OSBPL7: variants seen among roughly 807,000 people sequenced by gnomAD.
OSBPL7 encodes the protein oxysterol-binding protein-related protein 7.
Under a neutral mutation model 115.8 loss-of-function variants are expected in OSBPL7, and 66 were observed. The observed-to-expected ratio is 0.57, with a 90% CI of 0.47 to 0.70. OSBPL7 has a LOEUF of 0.70. Among genes scored for constraint, OSBPL7 ranks in the 30% least tolerant of loss-of-function variants. The pLI is 0.00. For synonymous variants in OSBPL7, 441 were observed against 439.2 expected, an observed-to-expected ratio of 1.00 and a Z score of -0.05; for missense variants, 902 against 1,125.5, an observed-to-expected ratio of 0.80 and a Z score of 2.84.
intron 13 of OSBPL7, 35 bp downstream of exon 13, chr17:47,815,180 A>G (rs768037417): frequency 6.3e-7 from 1 of 1,580,410 alleles, no homozygotes. Flanking sequence ...GGTCCCCCCT[A>G]CCCCGCCTCA....
rs776120963 is a variant in OSBPL7, at chr17:47,808,992, T to TG, written c.2171-3dup. The TG allele has an allele frequency of 1.2e-6, 2 of 1,613,692 alleles. No individual in the cohort carries two copies. Among genetic ancestry groups the TG allele is most frequent in the Admixed American group, 3.3e-5 (2 of 60,014 alleles). ...GCTCATGGTCGGGGGGCATTGAGTCTGGGGGAAGGCAAGGGGCTGGGGCAG... is the reference window on the plus strand; with the variant it reads ...GCTCATGGTCGGGGGGCATTGAGTCTGGGGGGAAGGCAAGGGGCTGGGGCAG... On this transcript the variant is annotated splice_region_variant and splice_polypyrimidine_tract_variant and intron_variant, in intron 20 of 22. Coordinates refer to ENST00000007414, the MANE Select transcript of OSBPL7 (RefSeq NM_145798.3). The surrounding 1 kb of genome is among the most constrained non-coding windows in gnomAD (Gnocchi z 6.1).
chr17:47,817,330 C>T lies in OSBPL7; in HGVS notation c.628G>A (p.Glu210Lys), dbSNP rs1175797782. The part of the protein sequence containing the change: ...ELSECQGKLQ[E>K]LHRLLQSLES... ...AGGCTCTGGAGGAGCCTGTGTAGTT[C>T]CTGGAGCTTCCCCTGACACTCAGAG... The change falls in exon 8 of 23, where the codon GAA becomes AAA. Residue 210 changes from glutamate to lysine, a missense_variant. Physicochemically the swap from Glu to Lys is moderately conservative, Grantham distance 56. Transcript: ENST00000007414. The T allele has an allele frequency of 1.2e-6, 2 of 1,604,316 alleles. No homozygotes were observed. Among genetic ancestry groups the T allele is most frequent in the African/African-American group, 1.3e-5 (1 of 74,130 alleles).
chr17:47,808,979 G>C lies in OSBPL7; in HGVS notation c.2182C>G (p.Pro728Ala), dbSNP rs370002690. The C allele has an allele frequency of 1.1e-5, 18 of 1,614,162 alleles. No individual in the cohort carries two copies. Among genetic ancestry groups the C allele is most frequent in the Middle Eastern group, 3.3e-4 (2 of 6,062 alleles). Residue 728 changes from proline to alanine, a missense_variant, in exon 21 of 23, where the codon CCC (proline) becomes GCC (alanine). Coordinates refer to ENST00000007414, the MANE Select transcript of OSBPL7 (RefSeq NM_145798.3). This position sits in a 1 kb window ranked among gnomAD's most constrained non-coding sequence, Gnocchi z 6.1. ...QCIWKPNSMP[P>A]DHERNFGFTQ... ...AAGCCGAAGTTTCGCTCATGGTCGG[G>C]GGGCATTGAGTCTGGGGGAAGGCAA...
chr17:47,819,459 A>T (rs149252281), intron 4 of OSBPL7: 1 of 580,810 alleles, frequency 1.7e-6, no homozygotes, highest in South Asian at 2.1e-5. Flanking sequence ...TAAAGCCCCC[A>T]TTTCTTGGGC....
At chr17:47,813,113 C>T (rs62076106) in intron 16 of OSBPL7, among the ~76,000 whole-genome samples, 153 bp downstream of exon 16, 14,711 of 152,318 alleles carry the variant, frequency 0.097, 977 homozygotes, top group South Asian at 0.22. Flanking sequence ...GACCTCAGAA[C>T]GTGGGCCAGG....
At chr17:47,809,263 C>T in intron 19 of OSBPL7, 43 bp from the exon 20 acceptor site, 4 of 1,612,286 alleles carry the variant, frequency 2.5e-6, no homozygotes, top group Non-Finnish European at 3.4e-6. Flanking sequence ...TCCCCTCCCC[C>T]TTAGCCAGGG....
In OSBPL7 at chr17:47,820,307, G is replaced by T; in HGVS notation, c.-29C>A. ...GAAGGGAGAGGCCACTCCCTGCTGG[G>T]GATGTAGAGCAGGGAGCAGGGTGGA... On this transcript the variant is annotated 5_prime_UTR_variant, in exon 2 of 23. Coordinates refer to ENST00000007414, the MANE Select transcript of OSBPL7 (RefSeq NM_145798.3). 1 of 1,605,786 alleles carries T rather than the reference G, an allele frequency of 6.2e-7. No homozygotes were observed. The highest frequency in any genetic ancestry group is 1.3e-5 in the African/African-American group (1 of 74,900).
At chr17:47,814,638 C>T (rs200734440) in intron 13 of OSBPL7, 24 bp from the exon 14 acceptor site, 25 of 1,609,742 alleles carry the variant, frequency 1.6e-5, no homozygotes, top group Middle Eastern at 3.3e-4. Context: ...GATGACAGGC[C>T]GGGCAGACTG....
Position 47,808,802 on chromosome 17 carries a change from C to T in OSBPL7, c.2297+62G>A. The T allele has an allele frequency of 6.2e-7, 1 of 1,609,634 alleles. No individual in the cohort carries two copies. Reference sequence around the variant, plus strand: ...CAGTGAAGGAAGGACAAAGCCCCAGCTCTGTACTCTGTGGAGGGAGTGAAC... The same window carrying T: ...CAGTGAAGGAAGGACAAAGCCCCAGTTCTGTACTCTGTGGAGGGAGTGAAC... On this transcript the variant is annotated intron_variant, in intron 21 of 22. Transcript: ENST00000007414. The surrounding 1 kb of genome is among the most constrained non-coding windows in gnomAD (Gnocchi z 6.1).
rs369956124 is a variant in OSBPL7, at chr17:47,813,407, T to A, written c.1600-4A>T. The A allele has an allele frequency of 6.2e-7, 1 of 1,613,522 alleles. No individual in the cohort carries two copies. Among genetic ancestry groups the A allele is most frequent in the African/African-American group, 1.3e-5 (1 of 74,944 alleles). ...CAGCAAAGGCTGCGATGTACACCTG[T>A]GGGGGGCAAGGAAGGTGCAGGGTAC... is the stretch of plus-strand genomic sequence containing the variant. On this transcript the variant is annotated splice_region_variant and splice_polypyrimidine_tract_variant and intron_variant, in intron 15 of 22. Coordinates refer to ENST00000007414, the MANE Select transcript of OSBPL7 (RefSeq NM_145798.3).
chr17:47,819,606 A>T (rs2033333866), intron 4 of OSBPL7, 123 bp downstream of exon 4: 3 of 1,176,804 alleles, frequency 2.5e-6, no homozygotes, highest in Admixed American at 1.8e-5. Flanking sequence ...GAGATCACAC[A>T]TTCAGCAAGT....
At chr17:47,817,065 G>A (rs2033245323) in intron 8 of OSBPL7, 191 bp downstream of exon 8, 2 of 713,852 alleles carry the variant, frequency 2.8e-6, no homozygotes, top group South Asian at 3.5e-5. Flanking sequence ...AGCCACCCTG[G>A]CAGAGGCATG....
In OSBPL7 at chr17:47,816,658, C is replaced by T. The variant is rs371621850; in HGVS notation, c.833G>A (p.Arg278His). Reference protein sequence around the residue: ...RLHGSVPNLSRYLESRDSSGT... With the variant: ...RLHGSVPNLSHYLESRDSSGT... The stretch of plus-strand genomic sequence containing the variant: ...CGAGGAGTCCCGAGACTCCAGGTAG[C>T]GAGACAGGTTGGGAACAGAGCCATG... Residue 278 changes from arginine (R) to histidine (H), a missense_variant, in exon 10 of 23, where the codon CGC becomes CAC. This residue lies in a region of OSBPL7 where 667 missense variants were observed against 788.7 expected (regional missense o/e 0.85). Transcript: ENST00000007414. The surrounding 1 kb of genome is among the most constrained non-coding windows in gnomAD (Gnocchi z 5.8). 13 of 1,613,896 alleles carry T rather than the reference C, an allele frequency of 8.1e-6. No homozygotes were observed. The highest frequency in any genetic ancestry group is 1.7e-5 in the Admixed American group (1 of 59,996).
intron 14 of OSBPL7, 80 bp from the exon 15 acceptor site, chr17:47,813,914 C>A (rs1027408408): frequency 1.3e-6 from 2 of 1,486,780 alleles, no homozygotes; most frequent in Non-Finnish European, 1.8e-6. Flanking sequence ...CAGTCCAGGG[C>A]CCAGCTGCCT....
intron 5 of OSBPL7, 113 bp from the exon 6 acceptor site, chr17:47,818,729 G>A (rs974027273): frequency 1.0e-6 from 1 of 989,238 alleles, no homozygotes; most frequent in Non-Finnish European, 1.5e-6. Context: ...TACAGAGCCT[G>A]GTTTGTGCAA....
chr17:47,812,707 AGAGAT>A (rs2033082614), intron 16 of OSBPL7, among the ~76,000 whole-genome samples: 1 of 152,226 alleles, frequency 6.6e-6, no homozygotes, highest in Non-Finnish European at 1.5e-5. Flanking sequence ...TTAGCTCTAC[AGAGAT>A]GACAGGATGC....
chr17:47,817,199 G>A (rs2033249307), intron 8 of OSBPL7, 57 bp downstream of exon 8: 37 of 1,348,346 alleles, frequency 2.7e-5, no homozygotes, highest in Non-Finnish European at 3.8e-5. Context: ...ACCCATCCTG[G>A]GGAAGTGATG....
intron 16 of OSBPL7, among the ~76,000 whole-genome samples, chr17:47,811,632 A>G (rs2033044594): frequency 6.6e-6 from 1 of 152,172 alleles, no homozygotes; most frequent in Admixed American, 6.5e-5. Flanking sequence ...GGACCCAGGC[A>G]CAAGCCAGGC....
intron 1 of OSBPL7, among the ~76,000 whole-genome samples, chr17:47,821,060 A>G (rs929019751): frequency 1.3e-5 from 2 of 152,126 alleles, no homozygotes; most frequent in African/African-American, 4.8e-5. Context: ...CAGAGAGGGC[A>G]GGACATTGGG....
Sources: gnomAD v4.1 joint callset for allele counts (sites outside exome capture counted in the v4.1 genomes callset) on GRCh38, gnomAD v4.1.1 for gene constraint, gnomAD v4.1.1 regional missense constraint, Gnocchi (gnomAD v3.1) non-coding constraint, MANE v1.5 for transcripts, NCBI Gene and HGNC (gene_info 2026-07-23, HGNC 2026-07-21) for gene names.